The following SRGAP1 variants were observed in gnomAD, a reference collection of about 807,000 sequenced individuals.
SRGAP1 encodes the protein SLIT-ROBO Rho GTPase-activating protein 1.
SRGAP1 carries 43 observed loss-of-function variants against 121.9 expected under a neutral mutation model. That is an observed-to-expected ratio of 0.35 (90% CI 0.28 to 0.46). The LOEUF (loss-of-function observed/expected upper bound fraction) is 0.46. Among genes scored for constraint, SRGAP1 ranks in the 20% least tolerant of loss-of-function variants. SRGAP1 has a pLI of 1.00. For missense variants in SRGAP1, 1,102 were observed against 1,350.9 expected (o/e 0.82, Z 2.89); for synonymous variants, 447 against 485.4 (o/e 0.92, Z 1.04).
rs568334768 is a variant in SRGAP1, at chr12:63,844,948, G to C, written c.67+65G>C. 6.6e-7 allele frequency: 1 copy of C among 1,503,918 alleles called. No homozygotes were observed. Among genetic ancestry groups the C allele is most frequent in the Non-Finnish European group, 9.3e-7 (1 of 1,079,620 alleles). 93.2% of individuals were successfully genotyped at this position (1,503,918 alleles called of 1,614,324 possible). A position where few individuals can be genotyped will look rare whatever the true frequency, so the allele number is the denominator to read the frequency against. On this transcript the variant is annotated intron_variant, in intron 1 of 21. Transcript: ENST00000355086. The surrounding 1 kb of genome is among the most constrained non-coding windows in gnomAD (Gnocchi z 4.3). ...TTCTTGTCATTGTGCTCGTGGAGTT[G>C]CGTATCTAACTTGGTGTCTGCGTGG...
chr12:63,976,709 C>T (rs1315159596), intron 1 of SRGAP1, among the ~76,000 whole-genome samples: 4 of 152,150 alleles, frequency 2.6e-5, no homozygotes, highest in Non-Finnish European at 5.9e-5. Flanking sequence ...TCATTTAATT[C>T]TCAGCACAGC....
intron 6 of SRGAP1, among the ~76,000 whole-genome samples, chr12:64,045,161 G>A (rs1045632979): frequency 6.6e-6 from 1 of 151,804 alleles, no homozygotes; most frequent in Non-Finnish European, 1.5e-5. Flanking sequence ...TTTAAATGCA[G>A]AACCTTTTTG....
chr12:64,033,705 G>A (rs1003383026), intron 4 of SRGAP1, among the ~76,000 whole-genome samples: 2 of 152,080 alleles, frequency 1.3e-5, no homozygotes, highest in East Asian at 1.9e-4. Context: ...GTTACAGAGC[G>A]AGACTCCATC....
chr12:64,111,422 C>T (rs756201911), intron 16 of SRGAP1, among the ~76,000 whole-genome samples: 9 of 152,138 alleles, frequency 5.9e-5, no homozygotes, highest in Non-Finnish European at 1.2e-4. Flanking sequence ...TGGAAATCCT[C>T]ACTGTGTATC....
At chr12:63,865,437 C>G (rs1899593995) in intron 1 of SRGAP1, among the ~76,000 whole-genome samples, 1 of 152,084 alleles carries the variant, frequency 6.6e-6, no homozygotes, top group South Asian at 2.1e-4. Context: ...CCACTGTACT[C>G]CAGCCTGGGC....
intron 1 of SRGAP1, among the ~76,000 whole-genome samples, chr12:63,857,010 T>C (rs1421883207): frequency 6.6e-6 from 1 of 152,220 alleles, no homozygotes; most frequent in Non-Finnish European, 1.5e-5. Context: ...ATCAGGATGC[T>C]ATTTTTATGA....
At chr12:64,025,516 C>A (rs1025346452) in intron 4 of SRGAP1, among the ~76,000 whole-genome samples, 1 of 152,150 alleles carries the variant, frequency 6.6e-6, no homozygotes, top group Non-Finnish European at 1.5e-5. Context: ...AATGAAAATT[C>A]ATTCCTTTGA....
chr12:64,058,517 T>C (rs541490230), intron 6 of SRGAP1, among the ~76,000 whole-genome samples: 1 of 152,322 alleles, frequency 6.6e-6, no homozygotes, highest in South Asian at 2.1e-4. Flanking sequence ...TTTAAAAATA[T>C]ACATATGCCC....
At chr12:64,131,844 C>T (rs1167101626) in intron 21 of SRGAP1, among the ~76,000 whole-genome samples, 1 of 152,164 alleles carries the variant, frequency 6.6e-6, no homozygotes, top group Non-Finnish European at 1.5e-5. Context: ...GTTCAGTTTC[C>T]ACCAAAGCCC....
chr12:63,943,345 C>T (rs1390742562), intron 1 of SRGAP1, among the ~76,000 whole-genome samples: 3 of 152,112 alleles, frequency 2.0e-5, no homozygotes, highest in Non-Finnish European at 4.4e-5. Context: ...CTTTTTATAT[C>T]CCACAGAGTT....
At chr12:64,043,612 A>G (rs532507440) in intron 6 of SRGAP1, 37 bp downstream of exon 6, 1 of 1,511,092 alleles carries the variant, frequency 6.6e-7, no homozygotes, top group African/African-American at 1.4e-5. Flanking sequence ...CCATATTAAA[A>G]TGAAATTAAC....
Position 64,154,733 on chromosome 12 carries a change from G to A in SRGAP1, c.*12061G>A, listed in dbSNP as rs1389645882. 6.6e-6 allele frequency: 1 copy of A among 152,234 alleles called. No individual in the cohort carries two copies. The highest frequency in any genetic ancestry group is 1.5e-5 in the Non-Finnish European group (1 of 68,108). The allele number at this position is 152,234 out of a possible 1,614,324, so 9.4% of individuals were successfully genotyped here. On this transcript the variant is annotated 3_prime_UTR_variant, in exon 22 of 22. Transcript: ENST00000355086. ...AGGAGGCAGATGGACTTGAAGCTCA[G>A]GGGAGGATTTCTGGCCAGAAGGTGT... is the stretch of plus-strand genomic sequence containing the variant.
In SRGAP1 at chr12:64,094,916, C is replaced by A. The variant is rs1174381598; in HGVS notation, c.1540-16C>A. The A allele has an allele frequency of 6.2e-7, 1 of 1,613,462 alleles. No individual in the cohort carries two copies. The highest frequency in any genetic ancestry group is 8.5e-7 in the Non-Finnish European group (1 of 1,179,480). On this transcript the variant is annotated splice_polypyrimidine_tract_variant and intron_variant, in intron 12 of 21. Coordinates refer to ENST00000355086, the MANE Select transcript of SRGAP1 (RefSeq NM_020762.4). Reference sequence around the variant, plus strand: ...CCTCTCCCTTGAGGTTAACTGGTTTCCATCCCTTTACCCAGGACTCAGGAC... The same window carrying A: ...CCTCTCCCTTGAGGTTAACTGGTTTACATCCCTTTACCCAGGACTCAGGAC...
chr12:63,951,702 TG>T (rs900517785), intron 1 of SRGAP1, among the ~76,000 whole-genome samples: 25 of 152,164 alleles, frequency 1.6e-4, no homozygotes, highest in African/African-American at 5.8e-4. Context: ...AATTTTTATT[TG>T]TTTTTTTTAG....
chr12:63,916,938 A>G (rs1440488228), intron 1 of SRGAP1, among the ~76,000 whole-genome samples: 1 of 152,118 alleles, frequency 6.6e-6, no homozygotes, highest in Non-Finnish European at 1.5e-5. Context: ...GATCAAAACC[A>G]CGAGGCCAGA....
intron 10 of SRGAP1, among the ~76,000 whole-genome samples, chr12:64,083,797 C>T (rs111996814): frequency 0.023 from 3,434 of 152,050 alleles, 120 homozygotes; most frequent in African/African-American, 0.076. Flanking sequence ...AATATCAGTG[C>T]GATTTTGCTA....
At chr12:64,010,409 A>C (rs778142572) in intron 3 of SRGAP1, among the ~76,000 whole-genome samples, 19 of 152,112 alleles carry the variant, frequency 1.2e-4, no homozygotes, top group Non-Finnish European at 1.9e-4. Context: ...TCTGGGGGTA[A>C]GACTGGATAG....
intron 4 of SRGAP1, chr12:64,032,570 T>A: frequency 3.3e-6 from 3 of 906,140 alleles, no homozygotes; most frequent in Non-Finnish European, 5.2e-6. Context: ...GCCACGGACC[T>A]AGCTCTGCAC....
intron 1 of SRGAP1, among the ~76,000 whole-genome samples, chr12:63,906,660 AT>A (rs1428599996): frequency 6.6e-6 from 1 of 152,028 alleles, no homozygotes; most frequent in Non-Finnish European, 1.5e-5. Flanking sequence ...ATATTAGATT[AT>A]TTTCAGTCAC....
Sources: gnomAD v4.1 joint callset for allele counts (sites outside exome capture counted in the v4.1 genomes callset) on GRCh38, gnomAD v4.1.1 for gene constraint, Gnocchi (gnomAD v3.1) non-coding constraint, MANE v1.5 for transcripts, NCBI Gene and HGNC (gene_info 2026-07-23, HGNC 2026-07-21) for gene names.